ABCC12: variants seen among roughly 807,000 people sequenced by gnomAD.
ABCC12 encodes the protein ATP binding cassette subfamily C member 12.
Under a neutral mutation model 151.1 loss-of-function variants are expected in ABCC12, and 142 were observed. That is an observed-to-expected ratio of 0.94 (90% CI 0.82 to 1.08). The LOEUF (loss-of-function observed/expected upper bound fraction) is 1.08. Ranked by LOEUF, ABCC12 falls within the 50% of genes least tolerant of loss-of-function variation. The pLI is 0.00. For synonymous variants in ABCC12, 645 were observed against 646.4 expected, an observed-to-expected ratio of 1.00 and a Z score of 0.03; for missense variants, 1,638 against 1,691.1, an observed-to-expected ratio of 0.97 and a Z score of 0.55.
intron 28 of ABCC12, 198 bp downstream of exon 28, chr16:48,086,543 C>T: frequency 1.8e-6 from 1 of 564,244 alleles, no homozygotes; most frequent in South Asian, 2.1e-5. Flanking sequence ...GTGCTCTTGA[C>T]TGGATCATTG....
intron 13 of ABCC12, among the ~76,000 whole-genome samples, chr16:48,119,754 G>A (rs747724202): frequency 1.3e-5 from 2 of 152,220 alleles, no homozygotes; most frequent in African/African-American, 2.4e-5. Flanking sequence ...ACCAACTCCA[G>A]TTCTCTTAAT....
chr16:48,136,376 A>G (rs1964610051), intron 8 of ABCC12, among the ~76,000 whole-genome samples: 1 of 151,690 alleles, frequency 6.6e-6, no homozygotes, highest in African/African-American at 2.4e-5. Flanking sequence ...AGTCTCCCCA[A>G]CCCAGTGTGC....
chr16:48,142,148 A>C (rs1402710079), intron 4 of ABCC12, among the ~76,000 whole-genome samples: 1 of 152,144 alleles, frequency 6.6e-6, no homozygotes, highest in Non-Finnish European at 1.5e-5. Context: ...ACAGAGACGG[A>C]GATGGGAAAA....
chr16:48,142,099 G>A (rs1023114936), intron 4 of ABCC12, among the ~76,000 whole-genome samples: 15 of 152,174 alleles, frequency 9.9e-5, no homozygotes, highest in Non-Finnish European at 1.5e-4. Context: ...TTCAAGGACC[G>A]ACCCCAGTTT....
Position 48,141,195 on chromosome 16 carries a change from G to A in ABCC12, c.423+11C>T. 1 of 1,612,540 alleles carries A rather than the reference G, an allele frequency of 6.2e-7. No homozygotes were observed. The highest frequency in any genetic ancestry group is 8.5e-7 in the Non-Finnish European group (1 of 1,178,724). ...ACCTAGCAGATGAGGAGGAAGGGCTGCCGCACTCACCGGCCCTATGGCTGC... is the reference window on the plus strand; with the variant it reads ...ACCTAGCAGATGAGGAGGAAGGGCTACCGCACTCACCGGCCCTATGGCTGC... On this transcript the variant is annotated intron_variant, in intron 5 of 30. Coordinates refer to ENST00000311303, the MANE Select transcript of ABCC12 (RefSeq NM_001393797.1).
chr16:48,118,373 G>A (rs1039688153), intron 13 of ABCC12, among the ~76,000 whole-genome samples: 2 of 152,128 alleles, frequency 1.3e-5, no homozygotes, highest in South Asian at 2.1e-4. Flanking sequence ...CCGCACAGCC[G>A]CCTTGGGGAC....
intron 8 of ABCC12, among the ~76,000 whole-genome samples, chr16:48,134,877 C>T (rs966368224): frequency 2.0e-5 from 3 of 151,988 alleles, no homozygotes; most frequent in Non-Finnish European, 2.9e-5. Flanking sequence ...ATGGTGAAAC[C>T]CCGTCTCTAC....
At chr16:48,086,327 C>T in intron 28 of ABCC12, 1 of 189,884 alleles carries the variant, frequency 5.3e-6, no homozygotes, top group Non-Finnish European at 1.1e-5. Context: ...CTTGTCTGTT[C>T]TGATAGCAAA....
At position 48,086,798 on chromosome 16, in the gene ABCC12, C is replaced by A. The variant is rs1242306134; in HGVS notation, c.3657G>T (p.Glu1219Asp). 3 of 1,613,836 alleles carry A rather than the reference C, an allele frequency of 1.9e-6. No homozygotes were observed. Among genetic ancestry groups the A allele is most frequent in the Middle Eastern group, 3.3e-4 (2 of 6,062 alleles). Reference protein sequence around the residue: ...GTVRYNLDPFESHTDEMLWQV... With the variant: ...GTVRYNLDPFDSHTDEMLWQV... ...GCCAGAGCATCTCATCGGTGTGACT[C>A]TCAAAGGGATCCAAGTTGTACCTGC... The change falls in exon 28 of 31, where the codon GAG (glutamate) becomes GAT (aspartate). Residue 1219 changes from glutamate (E) to aspartate (D), a missense_variant. Physicochemically the swap from Glu to Asp is conservative, Grantham distance 45. Transcript: ENST00000311303.
At chr16:48,102,384 C>T (rs1963337609) in intron 22 of ABCC12, among the ~76,000 whole-genome samples, 2 of 152,226 alleles carry the variant, frequency 1.3e-5, no homozygotes, top group South Asian at 4.1e-4. Flanking sequence ...CCCCTATGCT[C>T]AGGCTTGCTC....
intron 21 of ABCC12, among the ~76,000 whole-genome samples, chr16:48,104,773 C>A (rs1168242711): frequency 6.6e-6 from 1 of 152,202 alleles, no homozygotes; most frequent in Non-Finnish European, 1.5e-5. Flanking sequence ...CCTCCCAGGC[C>A]CTGGCTGCCA....
In ABCC12 at chr16:48,146,403, G is replaced by A. The variant is rs1434101531; in HGVS notation, c.22C>T (p.Leu8Phe). 3 of 1,614,210 alleles carry A rather than the reference G, an allele frequency of 1.9e-6. No individual in the cohort carries two copies. The highest frequency in any genetic ancestry group is 2.2e-5 in the South Asian group (2 of 91,088). The change falls in exon 3 of 31, where the codon CTT (leucine) becomes TTT (phenylalanine). Residue 8 changes from leucine (L) to phenylalanine (F), a missense_variant. Leu to Phe is a conservative substitution (Grantham distance 22, BLOSUM62 0). Transcript: ENST00000311303. MVGEGPY[L>F]ISDLDQRGRR... ...CCTCGCTGGTCCAGATCTGAGATAA[G>A]GTAGGGTCCTTCACCCACCATCCTG...
chr16:48,097,053 A>G lies in ABCC12; in HGVS notation c.3039-151T>C, dbSNP rs1430943169. Reference sequence around the variant, plus strand: ...CAAGGGAACACACTCTCACATAGCAAACTCTTACAAAAATGAACATATATT... The same window carrying G: ...CAAGGGAACACACTCTCACATAGCAGACTCTTACAAAAATGAACATATATT... On this transcript the variant is annotated intron_variant, in intron 23 of 30. Transcript: ENST00000311303. 1.3e-5 allele frequency: 11 copies of G among 849,394 alleles called. No individual in the cohort carries two copies. In the Admixed American group the frequency reaches 2.2e-4, roughly 17 times the overall value. 52.6% of individuals were successfully genotyped at this position (849,394 alleles called of 1,614,324 possible). A position where few individuals can be genotyped will look rare whatever the true frequency, so the allele number is the denominator to read the frequency against.
Position 48,115,370 on chromosome 16 carries a change from G to A in ABCC12, c.1989+45C>T, listed in dbSNP as rs780067391. 4 of 1,593,094 alleles carry A rather than the reference G, an allele frequency of 2.5e-6. No homozygotes were observed. In the Admixed American group the frequency reaches 6.7e-5, roughly 27 times the overall value. ...AGGCTCTGTGAGCATCAGATCCCCA[G>A]CCACACCCATCCCGTGACCTCCTGG... On this transcript the variant is annotated intron_variant, in intron 15 of 30. Transcript: ENST00000311303.
intron 8 of ABCC12, among the ~76,000 whole-genome samples, chr16:48,136,560 C>A (rs978878397): frequency 6.6e-6 from 1 of 152,138 alleles, no homozygotes; most frequent in Non-Finnish European, 1.5e-5. Context: ...CGGCCCTCTT[C>A]CAGTGGGATA....
intron 13 of ABCC12, among the ~76,000 whole-genome samples, chr16:48,120,805 C>T (rs774242454): frequency 2.0e-5 from 3 of 152,116 alleles, no homozygotes; most frequent in Admixed American, 1.3e-4. Context: ...CCACCTGCCT[C>T]GGACTCCCAA....
rs75443779 is a variant in ABCC12, at chr16:48,134,659, G to A, written c.980-824C>T. Among the ~76,000 whole-genome samples the A allele has an allele frequency of 8.2e-3, 1,256 of 152,272 alleles. 18 individuals are homozygous for A. Among genetic ancestry groups the A allele is most frequent in the African/African-American group, 0.029 (1,203 of 41,542 alleles). On this transcript the variant is annotated intron_variant, in intron 8 of 30. Transcript: ENST00000311303. ...AAGGCCGGATCCAACACTCTTTTCT[G>A]CTAACTCCAAATCTTTAGACAAAGC...
intron 23 of ABCC12, among the ~76,000 whole-genome samples, chr16:48,100,405 G>A (rs1419102744): frequency 1.3e-5 from 2 of 151,946 alleles, no homozygotes; most frequent in Admixed American, 6.5e-5. Flanking sequence ...TACAAGACTC[G>A]TGTAATAACA....
chr16:48,129,409 G>A (rs1168336942), intron 10 of ABCC12, among the ~76,000 whole-genome samples: 1 of 152,216 alleles, frequency 6.6e-6, no homozygotes, highest in Non-Finnish European at 1.5e-5. Context: ...AAAAGGGAAA[G>A]AGAATGACAG....
Sources: allele counts gnomAD v4.1 joint callset (sites outside exome capture counted in the v4.1 genomes callset), GRCh38; gene constraint gnomAD v4.1.1; transcripts MANE v1.5; gene names NCBI Gene and HGNC (gene_info 2026-07-23, HGNC 2026-07-21).